ACIN1: variants seen among roughly 807,000 people sequenced by gnomAD.
ACIN1 encodes apoptotic chromatin condensation inducer 1, also known as apoptotic chromatin condensation inducer in the nucleus.
Under a neutral mutation model 146.6 loss-of-function variants are expected in ACIN1, and 16 were observed. The ratio of observed to expected loss-of-function variants is 0.11; its 90% CI spans 0.07 to 0.17. The LOEUF (loss-of-function observed/expected upper bound fraction) is 0.17. Among genes scored for constraint, ACIN1 ranks in the 10% least tolerant of loss-of-function variants. The pLI is 1.00. For synonymous variants in ACIN1, 569 were observed against 582.7 expected (o/e 0.98, Z 0.34); for missense variants, 1,357 against 1,609.3 (o/e 0.84, Z 2.68).
chr14:23,059,284 C>A lies in ACIN1; in HGVS notation c.3716G>T (p.Arg1239Leu), dbSNP rs2047190810. ...RDRERERERERDRGDRDRDRE... is the reference protein window; with the variant it reads ...RDRERERERELDRGDRDRDRE... ...ATCCCGATCTCGGTCCCCCCTGTCC[C>A]GCTCCCTTTCTCTCTCTCTCTCCCT... The change falls in exon 19 of 19, where the codon CGG (arginine) becomes CTG (leucine). Residue 1239 changes from arginine (R) to leucine (L), a missense_variant. Coordinates refer to ENST00000605057, the MANE Select transcript of ACIN1 (RefSeq NM_001386863.1). 1 of 1,605,184 alleles carries A rather than the reference C, an allele frequency of 6.2e-7. No homozygotes were observed. The highest frequency in any genetic ancestry group is 1.7e-5 in the Admixed American group (1 of 59,984).
At chr14:23,063,791 C>T (rs1452873007) in intron 12 of ACIN1, among the ~76,000 whole-genome samples, 1 of 152,192 alleles carries the variant, frequency 6.6e-6, no homozygotes, top group Non-Finnish European at 1.5e-5. Context: ...TAAATTTTTT[C>T]TGTAGAGCAA....
chr14:23,075,145 C>T (rs1362337372), intron 8 of ACIN1, among the ~76,000 whole-genome samples: 1 of 152,096 alleles, frequency 6.6e-6, no homozygotes, highest in Non-Finnish European at 1.5e-5. Context: ...GGAACCAATA[C>T]CTTCCTCCTA....
upstream of ACIN1, chr14:23,095,409 G>C: frequency 7.9e-7 from 1 of 1,258,270 alleles, no homozygotes; most frequent in Non-Finnish European, 1.1e-6. Flanking sequence ...CTCGACCCTG[G>C]TATAACCATA....
At chr14:23,075,862 C>T (rs556213357) in intron 8 of ACIN1, among the ~76,000 whole-genome samples, 128 of 152,124 alleles carry the variant, frequency 8.4e-4, no homozygotes, top group African/African-American at 1.6e-3. Context: ...ACACCATGCC[C>T]GGCTAATTTT....
At chr14:23,081,593 G>T (rs1422717771) in intron 5 of ACIN1, among the ~76,000 whole-genome samples, 155 bp downstream of exon 5, 1 of 152,110 alleles carries the variant, frequency 6.6e-6, no homozygotes, top group Non-Finnish European at 1.5e-5. Flanking sequence ...TTGTGCCACT[G>T]CACTCCAGCC....
chr14:23,058,811 T>C lies in ACIN1; in HGVS notation c.*337A>G. 1 of 339,762 alleles carries C rather than the reference T, an allele frequency of 2.9e-6. No homozygotes were observed. The highest frequency in any genetic ancestry group is 4.2e-5 in the Admixed American group (1 of 23,896). The allele number at this position is 339,762 out of a possible 1,614,324, so 21.0% of individuals were successfully genotyped here. On this transcript the variant is annotated 3_prime_UTR_variant, in exon 19 of 19. Coordinates refer to ENST00000605057, the MANE Select transcript of ACIN1 (RefSeq NM_001386863.1). ...GCTGTTCCCAAGAGAAGGCTGTAAGTACCCAGGGAGGTGGTAAGCAGGATG... is the reference window on the plus strand; with the variant it reads ...GCTGTTCCCAAGAGAAGGCTGTAAGCACCCAGGGAGGTGGTAAGCAGGATG...
intron 8 of ACIN1, chr14:23,071,010 A>G: frequency 8.2e-7 from 1 of 1,222,948 alleles, no homozygotes; most frequent in South Asian, 1.3e-5. Context: ...GGAAGGCAGA[A>G]TGACTGAAAA....
chr14:23,082,695 T>C (rs2047977822), intron 4 of ACIN1, among the ~76,000 whole-genome samples: 2 of 152,202 alleles, frequency 1.3e-5, no homozygotes, highest in Non-Finnish European at 2.9e-5. Context: ...TCTGCCCGCC[T>C]TGGCCTCCCA....
At position 23,080,204 on chromosome 14, in the gene ACIN1, T is replaced by A. The variant is rs1241793444; in HGVS notation, c.1131A>T (p.Glu377Asp). The A allele has an allele frequency of 1.2e-6, 2 of 1,614,204 alleles. No homozygotes were observed. The highest frequency in any genetic ancestry group is 1.7e-5 in the Admixed American group (1 of 60,020). ...SPPPHPQLHS[E>D]EEIEPMEGPA... ...GGCCTTCCATGGGCTCTATTTCTTC[T>A]TCGCTATGGAGCTGTGGATGAGGTG... is the stretch of plus-strand genomic sequence containing the variant. Residue 377 changes from glutamate to aspartate, a missense_variant, in exon 6 of 19, where the codon GAA becomes GAT. Physicochemically the swap from Glu to Asp is conservative, Grantham distance 45. Coordinates refer to ENST00000605057, the MANE Select transcript of ACIN1 (RefSeq NM_001386863.1).
rs771341593 is a variant in ACIN1 at position 23,061,542 on chromosome 14, G to A, written c.3180C>T (p.His1060=). ...TEEQGIPRPL[H]PPPPPPVQPP... Reference sequence around the variant, plus strand: ...GCTGGACCGGGGGTGGGGGTGGGGGGTGCAGGGGCCGTGGTATTCCCTGCT... The same window carrying A: ...GCTGGACCGGGGGTGGGGGTGGGGGATGCAGGGGCCGTGGTATTCCCTGCT... The change falls in exon 17 of 19, where the codon CAC becomes CAT. Residue 1060 remains histidine, a synonymous_variant. Transcript: ENST00000605057. The A allele has an allele frequency of 5.0e-6, 8 of 1,587,870 alleles. No individual in the cohort carries two copies. The highest frequency in any genetic ancestry group is 2.0e-4 in the Middle Eastern group (1 of 4,904).
intron 18 of ACIN1, among the ~76,000 whole-genome samples, chr14:23,060,852 C>T (rs2047256480): frequency 6.6e-6 from 1 of 152,240 alleles, no homozygotes; most frequent in Admixed American, 6.5e-5. Context: ...CAGCCAGCTT[C>T]CCAGACATCC....
At position 23,064,223 on chromosome 14, in the gene ACIN1, T is replaced by C. The variant is rs1210938555; in HGVS notation, c.2477A>G (p.Gln826Arg). 6.2e-7 allele frequency: 1 copy of C among 1,614,138 alleles called. No individual in the cohort carries two copies. The highest frequency in any genetic ancestry group is 8.5e-7 in the Non-Finnish European group (1 of 1,180,034). Reference protein sequence around the residue: ...LIPDIKPLAGQEAVVDLHADD... With the variant: ...LIPDIKPLAGREAVVDLHADD... ...AGCATGAAGATCCACAACAGCCTCC[T>C]GCCCCGCCAGGGGTTTGATGTCGGG... Residue 826 changes from glutamine (Q) to arginine (R), a missense_variant, in exon 12 of 19, where the codon CAG becomes CGG. Physicochemically the swap from Gln to Arg is conservative, Grantham distance 43 (BLOSUM62 1). This residue lies in a region of ACIN1 where 509 missense variants were observed against 719.6 expected (regional missense o/e 0.71). Coordinates refer to ENST00000605057, the MANE Select transcript of ACIN1 (RefSeq NM_001386863.1).
At chr14:23,078,715 A>G in intron 7 of ACIN1, 105 bp downstream of exon 7, 1 of 1,231,008 alleles carries the variant, frequency 8.1e-7, no homozygotes. Flanking sequence ...CCACATTTCT[A>G]CTGAACCTTG....
chr14:23,060,406 A>G (rs919075722), intron 18 of ACIN1, among the ~76,000 whole-genome samples: 8 of 152,204 alleles, frequency 5.3e-5, no homozygotes, highest in African/African-American at 1.9e-4. Flanking sequence ...AAAATTCCCA[A>G]AAGGCCCATT....
intron 4 of ACIN1, among the ~76,000 whole-genome samples, chr14:23,087,794 A>C (rs889671393): frequency 4.6e-4 from 70 of 152,000 alleles, no homozygotes; most frequent in African/African-American, 1.7e-3. Flanking sequence ...TTTGCTGACT[A>C]TTCTTGAATG....
intron 8 of ACIN1, among the ~76,000 whole-genome samples, chr14:23,072,086 T>C (rs915488614): frequency 7.9e-5 from 12 of 152,102 alleles, no homozygotes; most frequent in Admixed American, 4.6e-4. Flanking sequence ...GGGATGGGAA[T>C]TGTCACTATC....
At chr14:23,062,734 A>C in intron 14 of ACIN1, 195 bp downstream of exon 14, 1 of 826,630 alleles carries the variant, frequency 1.2e-6, no homozygotes, top group Non-Finnish European at 1.9e-6. Context: ...CAAGTCCTCA[A>C]AACAACCCTG....
Position 23,068,552 on chromosome 14 carries a change from A to T in ACIN1, c.2265+924T>A. 2.0e-6 allele frequency: 2 copies of T among 985,922 alleles called. No individual in the cohort carries two copies. Among genetic ancestry groups the T allele is most frequent in the Non-Finnish European group, 2.4e-6 (2 of 829,956 alleles). The allele number at this position is 985,922 out of a possible 1,614,324, so 61.1% of individuals were successfully genotyped here. ...CCTCTGGCCAAGACACCTGGATAGCAGACTTGGCTCTGATTGGGCAGCTCA... is the reference window on the plus strand; with the variant it reads ...CCTCTGGCCAAGACACCTGGATAGCTGACTTGGCTCTGATTGGGCAGCTCA... On this transcript the variant is annotated intron_variant, in intron 9 of 18. Coordinates refer to ENST00000605057, the MANE Select transcript of ACIN1 (RefSeq NM_001386863.1). The surrounding 1 kb of genome is among the most constrained non-coding windows in gnomAD (Gnocchi z 4.3).
intron 13 of ACIN1, 34 bp downstream of exon 13, chr14:23,063,402 C>G (rs745339078): frequency 2.5e-6 from 4 of 1,599,348 alleles, no homozygotes; most frequent in South Asian, 1.1e-5. Context: ...ATTCAGGGAG[C>G]CGCATTACAT....
Sources: allele counts gnomAD v4.1 joint callset (sites outside exome capture counted in the v4.1 genomes callset), GRCh38; gene constraint gnomAD v4.1.1; regional missense constraint gnomAD v4.1.1; non-coding constraint Gnocchi (gnomAD v3.1); transcripts MANE v1.5; gene names NCBI Gene and HGNC (gene_info 2026-07-23, HGNC 2026-07-21).